MTBP: variants seen among roughly 807,000 people sequenced by gnomAD.
The protein encoded by MTBP is MDM2 binding protein.
A neutral mutation model predicts 117.0 loss-of-function variants in MTBP; 101 were observed. The observed-to-expected ratio is 0.86, with a 90% CI of 0.73 to 1.02. MTBP has a LOEUF of 1.02. Among genes scored for constraint, MTBP ranks in the 50% least tolerant of loss-of-function variants. The pLI, the probability that MTBP is intolerant of heterozygous loss-of-function variation, is 0.00. For missense variants in MTBP, 970 were observed against 1,030.9 expected (o/e 0.94, Z 0.81); for synonymous variants, 350 against 351.5 (o/e 1.00, Z 0.05).
chr8:120,448,246 T>G (rs1336695928), intron 2 of MTBP, among the ~76,000 whole-genome samples: 3 of 152,216 alleles, frequency 2.0e-5, no homozygotes, highest in African/African-American at 7.2e-5. Context: ...CTTTCAATGT[T>G]GTGAAATATC....
chr8:120,477,021 C>A lies in MTBP; in HGVS notation c.1165+6084C>A, dbSNP rs186608573. Among the ~76,000 whole-genome samples the A allele has an allele frequency of 1.4e-3, 213 of 152,240 alleles. 3 individuals carry two copies. The East Asian group carries it at 0.039, about 28-fold the overall frequency. ...AAACTATGCTACAAGACTACAGTAA[C>A]CAAAACAGCATGGTGCTGGTACCAA... On this transcript the variant is annotated intron_variant, in intron 11 of 21. Coordinates refer to ENST00000305949, the MANE Select transcript of MTBP (RefSeq NM_022045.5).
intron 7 of MTBP, among the ~76,000 whole-genome samples, chr8:120,457,259 C>T (rs938644066): frequency 4.6e-5 from 7 of 152,038 alleles, no homozygotes; most frequent in South Asian, 2.1e-4. Context: ...TTCATTTTGA[C>T]GTCTCTTACT....
At chr8:120,471,116 C>G (rs557154387) in intron 11 of MTBP, 179 bp downstream of exon 11, 1 of 505,708 alleles carries the variant, frequency 2.0e-6, no homozygotes. Flanking sequence ...CATAAAGTAT[C>G]TCTAACCATA....
At position 120,466,360 on chromosome 8, in the gene MTBP, C is replaced by T. The variant is rs578061839; in HGVS notation, c.1047+2599C>T. Among the ~76,000 whole-genome samples the T allele has an allele frequency of 5.9e-4, 90 of 151,518 alleles. 1 individual carries two copies. The highest frequency in any genetic ancestry group is 2.1e-3 in the African/African-American group (85 of 41,326). On this transcript the variant is annotated intron_variant, in intron 10 of 21. Transcript: ENST00000305949. Reference sequence around the variant, plus strand: ...TCAACTACCTAGAACTACAAGCATACACCACCATGGTTGGCTAATTTTTTT... The same window carrying T: ...TCAACTACCTAGAACTACAAGCATATACCACCATGGTTGGCTAATTTTTTT...
chr8:120,446,112 C>A (rs948335372), intron 1 of MTBP, among the ~76,000 whole-genome samples: 2 of 152,158 alleles, frequency 1.3e-5, no homozygotes, highest in Non-Finnish European at 2.9e-5. Context: ...TCATTTGTTT[C>A]GATCAAACAG....
chr8:120,468,252 A>C (rs1254437411), intron 10 of MTBP, among the ~76,000 whole-genome samples: 2 of 152,200 alleles, frequency 1.3e-5, no homozygotes, highest in Admixed American at 1.3e-4. Context: ...TATTTCTTTT[A>C]ACCTTTCTTA....
At position 120,470,931 on chromosome 8, in the gene MTBP, A is replaced by G. The variant is rs1563790773; in HGVS notation, c.1159A>G (p.Ile387Val). Residue 387 changes from isoleucine (I) to valine (V), a missense_variant, in exon 11 of 22, where the codon ATC (isoleucine) becomes GTC (valine). Ile to Val is a conservative substitution (Grantham distance 29, BLOSUM62 3). Coordinates refer to ENST00000305949, the MANE Select transcript of MTBP (RefSeq NM_022045.5). The part of the protein sequence containing the change: ...KEYIAKKPKT[I>V]SVPDVEVKGE... ...ATATATAGCTAAAAAGCCTAAAACA[A>G]TCAGTGGTAAGTATTACATGTTTCG... The G allele has an allele frequency of 1.9e-6, 3 of 1,574,680 alleles. No individual in the cohort carries two copies. The highest frequency in any genetic ancestry group is 2.2e-5 in the East Asian group (1 of 44,564).
intron 17 of MTBP, among the ~76,000 whole-genome samples, chr8:120,511,577 G>A (rs1381486159): frequency 7.2e-5 from 11 of 152,138 alleles, no homozygotes; most frequent in African/African-American, 2.2e-4. Context: ...TTACAGGCAT[G>A]AGCCACCGCA....
chr8:120,510,623 C>T (rs1814783621), intron 17 of MTBP, among the ~76,000 whole-genome samples: 2 of 152,168 alleles, frequency 1.3e-5, no homozygotes, highest in Non-Finnish European at 2.9e-5. Flanking sequence ...GATTTGAGGC[C>T]AGACACGGTG....
chr8:120,473,216 T>C (rs553712846), intron 11 of MTBP: 7 of 152,188 alleles, frequency 4.6e-5, no homozygotes, highest in Non-Finnish European at 1.5e-5. Flanking sequence ...TAATTTGTTA[T>C]TTTTAAATTT....
chr8:120,523,281 AT>A lies in MTBP; in HGVS notation c.2677-11del. On this transcript the variant is annotated splice_polypyrimidine_tract_variant and intron_variant, in intron 21 of 21. Transcript: ENST00000305949. ...TTCAAGAGAAATCTTCTGTAATCAT[AT>A]TTTTTCTCCCCCTAGGTGATTGACT... The A allele has an allele frequency of 6.6e-7, 1 of 1,515,554 alleles. No individual in the cohort carries two copies. Among genetic ancestry groups the A allele is most frequent in the Non-Finnish European group, 9.0e-7 (1 of 1,115,436 alleles). The allele number at this position is 1,515,554 out of a possible 1,614,324, so 93.9% of individuals were successfully genotyped here.
At chr8:120,447,651 T>C (rs1248458300) in intron 2 of MTBP, among the ~76,000 whole-genome samples, 1 of 152,132 alleles carries the variant, frequency 6.6e-6, no homozygotes, top group Admixed American at 6.5e-5. Flanking sequence ...CTTTAATATC[T>C]TTTGTCAAAA....
At chr8:120,496,340 C>T (rs1426159604) in intron 13 of MTBP, among the ~76,000 whole-genome samples, 2 of 152,212 alleles carry the variant, frequency 1.3e-5, no homozygotes, top group Admixed American at 1.3e-4. Context: ...CTCTCCCCCT[C>T]AACACCTTTC....
In MTBP at chr8:120,510,003, C is replaced by G; in HGVS notation, c.1953C>G (p.Ala651=). ...TTCAGGTCTTACCTTTTGAGAAAGC[C>G]TCAGTATGTCATTATCATGGAATTG... ...GKLQVLPFEK[A]SVCHYHGIEY... Residue 651 remains alanine (A), a synonymous_variant, in exon 17 of 22, where the codon GCC becomes GCG. Coordinates refer to ENST00000305949, the MANE Select transcript of MTBP (RefSeq NM_022045.5). 1 of 1,611,496 alleles carries G rather than the reference C, an allele frequency of 6.2e-7. No individual in the cohort carries two copies. Among genetic ancestry groups the G allele is most frequent in the South Asian group, 1.1e-5 (1 of 90,666 alleles).
Position 120,502,386 on chromosome 8 carries a change from CACACAT to C in MTBP, c.1610-100_1610-95del, listed in dbSNP as rs1814603049. On this transcript the variant is annotated intron_variant, in intron 14 of 21. Coordinates refer to ENST00000305949, the MANE Select transcript of MTBP (RefSeq NM_022045.5). ...CCTAAGGTAAGTATGCCTTTATAGA[CACACAT>C]ACACACACACGTATGTATGTGTCTG... is the stretch of plus-strand genomic sequence containing the variant. 4.9e-6 allele frequency: 3 copies of C among 611,528 alleles called. No homozygotes were observed. In the Admixed American group the frequency reaches 1.0e-4, roughly 21 times the overall value. The allele number at this position is 611,528 out of a possible 1,614,324, so 37.9% of individuals were successfully genotyped here.
intron 4 of MTBP, chr8:120,451,563 T>G (rs1277641333): frequency 2.6e-6 from 1 of 389,022 alleles, no homozygotes; most frequent in Non-Finnish European, 4.6e-6. Context: ...TGTTCCTTTC[T>G]TGAAGATAAA....
intron 13 of MTBP, among the ~76,000 whole-genome samples, chr8:120,492,985 G>C (rs953735000): frequency 6.6e-6 from 1 of 152,098 alleles, no homozygotes; most frequent in African/African-American, 2.4e-5. Flanking sequence ...ATAAAAGACT[G>C]TTCAGTATGA....
At chr8:120,492,982 A>G (rs1271020364) in intron 13 of MTBP, among the ~76,000 whole-genome samples, 1 of 152,150 alleles carries the variant, frequency 6.6e-6, no homozygotes, top group East Asian at 1.9e-4. Context: ...TAAATAAAAG[A>G]CTGTTCAGTA....
At position 120,463,723 on chromosome 8, in the gene MTBP, G is replaced by A. The variant is rs2130534189; in HGVS notation, c.1009G>A (p.Val337Met). ...GLTNSTKQNS[V>M]LLLEQISSLC... ...GACAAACAGTACCAAACAGAATTCTGTGTTGCTGTTGGAGCAGATTTCTTC... is the reference window on the plus strand; with the variant it reads ...GACAAACAGTACCAAACAGAATTCTATGTTGCTGTTGGAGCAGATTTCTTC... Residue 337 changes from valine to methionine, a missense_variant, in exon 10 of 22, where the codon GTG becomes ATG. Physicochemically the swap from Val to Met is conservative, Grantham distance 21. Coordinates refer to ENST00000305949, the MANE Select transcript of MTBP (RefSeq NM_022045.5). 1 of 1,611,904 alleles carries A rather than the reference G, an allele frequency of 6.2e-7. No individual in the cohort carries two copies. Among genetic ancestry groups the A allele is most frequent in the Non-Finnish European group, 8.5e-7 (1 of 1,178,612 alleles).
Sources: allele counts gnomAD v4.1 joint callset (sites outside exome capture counted in the v4.1 genomes callset), GRCh38; gene constraint gnomAD v4.1.1; transcripts MANE v1.5; gene names NCBI Gene and HGNC (gene_info 2026-07-23, HGNC 2026-07-21).